The following CAAP1 variants were observed in gnomAD, a reference collection of about 807,000 sequenced individuals.
CAAP1 encodes the protein conserved anti-apoptotic protein.
A neutral mutation model predicts 34.0 loss-of-function variants in CAAP1; 20 were observed. The ratio of observed to expected loss-of-function variants is 0.59; its 90% CI spans 0.41 to 0.86. The LOEUF (loss-of-function observed/expected upper bound fraction) is 0.86. Among genes scored for constraint, CAAP1 ranks in the 40% least tolerant of loss-of-function variants. The pLI, the probability that CAAP1 is intolerant of heterozygous loss-of-function variation, is 0.00. For synonymous variants in CAAP1, 213 were observed against 166.7 expected (o/e 1.28, Z -2.14); for missense variants, 538 against 450.5 (o/e 1.19, Z -1.76).
chr9:26,846,983 G>A (rs1230182121), intron 5 of CAAP1, among the ~76,000 whole-genome samples: 2 of 151,790 alleles, frequency 1.3e-5, no homozygotes, highest in Non-Finnish European at 2.9e-5. Flanking sequence ...CACTGCGCCC[G>A]GCCAATTTTT....
At chr9:26,859,554 C>T (rs556601681) in intron 5 of CAAP1, among the ~76,000 whole-genome samples, 1 of 152,092 alleles carries the variant, frequency 6.6e-6, no homozygotes, top group South Asian at 2.1e-4. Context: ...ATACAAAGAG[C>T]AGAAACAAAG....
intron 2 of CAAP1, among the ~76,000 whole-genome samples, chr9:26,886,489 T>C (rs1372148972): frequency 6.6e-6 from 1 of 152,218 alleles, no homozygotes; most frequent in African/African-American, 2.4e-5. Context: ...GTAATTATTC[T>C]AAAGGTTTAA....
At chr9:26,847,196 A>ATTTTTTT (rs79235459) in intron 5 of CAAP1, among the ~76,000 whole-genome samples, 4 of 63,002 alleles carry the variant, frequency 6.3e-5, no homozygotes, top group Admixed American at 1.8e-4. Flanking sequence ...GTAAAAAGCA[A>ATTTTTTT]TATTTTTTTT....
chr9:26,861,629 G>T (rs543549229), intron 4 of CAAP1, among the ~76,000 whole-genome samples: 1 of 152,238 alleles, frequency 6.6e-6, no homozygotes, highest in East Asian at 1.9e-4. Context: ...AGGATTAAAT[G>T]TAAGATCATG....
At chr9:26,880,648 A>G (rs1823569754) in intron 4 of CAAP1, 1 of 152,588 alleles carries the variant, frequency 6.6e-6, no homozygotes, top group South Asian at 2.1e-4. Context: ...GGTCAGCAGT[A>G]CAGCAGAAGT....
Position 26,842,520 on chromosome 9 carries a change from A to C in CAAP1, c.867T>G (p.Gly289=). The C allele has an allele frequency of 1.2e-6, 2 of 1,614,148 alleles. No individual in the cohort carries two copies. Among genetic ancestry groups the C allele is most frequent in the Non-Finnish European group, 8.5e-7 (1 of 1,180,030 alleles). ...APENTVQSEA[G]QIDDLEKDIE... Reference sequence around the variant, plus strand: ...TGTCTTTCTCCAGGTCATCTATCTGACCAGCTTCACTTTGGACTGTATTTT... The same window carrying C: ...TGTCTTTCTCCAGGTCATCTATCTGCCCAGCTTCACTTTGGACTGTATTTT... The change falls in exon 6 of 6, where the codon GGT becomes GGG. Residue 289 remains glycine, a synonymous_variant. Coordinates refer to ENST00000333916, the MANE Select transcript of CAAP1 (RefSeq NM_024828.4).
chr9:26,892,316 A>C, intron 1 of CAAP1, 97 bp downstream of exon 1: 2 of 1,548,648 alleles, frequency 1.3e-6, no homozygotes, highest in South Asian at 2.4e-5. Flanking sequence ...TTGCCGCGCT[A>C]GCAGTGAGCT....
intron 4 of CAAP1, among the ~76,000 whole-genome samples, chr9:26,874,967 A>G (rs1463123158): frequency 6.6e-6 from 1 of 152,216 alleles, no homozygotes; most frequent in Non-Finnish European, 1.5e-5. Context: ...CTTGTGCATA[A>G]TTCTGTATCT....
chr9:26,877,470 C>A (rs1434444420), intron 4 of CAAP1, among the ~76,000 whole-genome samples: 1 of 152,148 alleles, frequency 6.6e-6, no homozygotes, highest in Non-Finnish European at 1.5e-5. Context: ...CTGTATTTTC[C>A]TCAGATGAGT....
At chr9:26,858,708 A>G (rs1822934046) in intron 5 of CAAP1, among the ~76,000 whole-genome samples, 1 of 151,980 alleles carries the variant, frequency 6.6e-6, no homozygotes, top group African/African-American at 2.4e-5. Context: ...CTGTAGTCCC[A>G]GCTACTTGGG....
intron 4 of CAAP1, among the ~76,000 whole-genome samples, chr9:26,864,766 C>T (rs998233333): frequency 8.5e-5 from 13 of 152,174 alleles, no homozygotes; most frequent in Admixed American, 7.2e-4. Flanking sequence ...CAAAAATCAG[C>T]GTTAGATCAC....
chr9:26,880,415 AC>A, intron 4 of CAAP1: 1 of 263,810 alleles, frequency 3.8e-6, no homozygotes, highest in Admixed American at 4.2e-5. Flanking sequence ...GTGCCACAGT[AC>A]CAGGCCTGTA....
intron 1 of CAAP1, among the ~76,000 whole-genome samples, chr9:26,891,311 G>A (rs1257253720): frequency 1.3e-5 from 2 of 152,126 alleles, no homozygotes; most frequent in Non-Finnish European, 2.9e-5. Context: ...CTATTAATTT[G>A]ACCCACTAGT....
At chr9:26,881,656 C>T (rs536317075) in intron 4 of CAAP1, among the ~76,000 whole-genome samples, 7 of 152,272 alleles carry the variant, frequency 4.6e-5, no homozygotes, top group Admixed American at 3.3e-4. Flanking sequence ...AGTTATGTCT[C>T]TATTAGCAGT....
intron 5 of CAAP1, among the ~76,000 whole-genome samples, chr9:26,846,694 CT>C (rs888026035): frequency 4.0e-5 from 6 of 148,284 alleles, no homozygotes; most frequent in Non-Finnish European, 1.5e-5. Context: ...AATTTTTCTT[CT>C]TTTTTTTTTG....
chr9:26,847,934 C>T (rs951677834), intron 5 of CAAP1, among the ~76,000 whole-genome samples: 2 of 152,026 alleles, frequency 1.3e-5, no homozygotes, highest in East Asian at 1.9e-4. Context: ...GAAGTAGATA[C>T]GTATGTTCAA....
At chr9:26,852,020 C>T (rs1822765041) in intron 5 of CAAP1, among the ~76,000 whole-genome samples, 1 of 151,996 alleles carries the variant, frequency 6.6e-6, no homozygotes, top group Non-Finnish European at 1.5e-5. Context: ...AGACTTGATT[C>T]TAATTTTAGA....
chr9:26,892,299 C>A, intron 1 of CAAP1, 114 bp downstream of exon 1: 3 of 1,539,380 alleles, frequency 1.9e-6, no homozygotes, highest in Non-Finnish European at 2.6e-6. Flanking sequence ...GACGGACGAC[C>A]TTGAGATTGC....
chr9:26,885,299 A>G (rs1423448273), intron 3 of CAAP1, among the ~76,000 whole-genome samples: 1 of 150,826 alleles, frequency 6.6e-6, no homozygotes, highest in Non-Finnish European at 1.5e-5. Context: ...CTGGTCTCGA[A>G]CTCCTGACCT....
Sources: allele counts gnomAD v4.1 joint callset (sites outside exome capture counted in the v4.1 genomes callset), GRCh38; gene constraint gnomAD v4.1.1; transcripts MANE v1.5; gene names NCBI Gene and HGNC (gene_info 2026-07-23, HGNC 2026-07-21).